The following CES1 variants were observed in gnomAD, a reference collection of about 807,000 sequenced individuals.
CES1 encodes the protein liver carboxylesterase 1.
In CES1, 50 loss-of-function variants were observed where a neutral mutation model predicts 53.0. The ratio of observed to expected loss-of-function variants is 0.94; its 90% CI spans 0.75 to 1.19. CES1 has a LOEUF of 1.19. CES1 is among the 50% of genes most tolerant of loss of function. The pLI, the probability that CES1 is intolerant of heterozygous loss-of-function variation, is 0.00. For missense variants in CES1, 534 were observed against 538.0 expected (o/e 0.99, Z 0.07); for synonymous variants, 202 against 210.1 (o/e 0.96, Z 0.33).
At chr16:55,811,221 A>AC (rs2031684295) in intron 9 of CES1, among the ~76,000 whole-genome samples, 2 of 150,858 alleles carry the variant, frequency 1.3e-5, no homozygotes, top group South Asian at 2.1e-4. Context: ...AAAAAAAAAA[A>AC]ACAAAAAACA....
In CES1 at chr16:55,817,035, C is replaced by A. The variant is rs1196312286; in HGVS notation, c.907-73G>T. 1.5e-5 allele frequency: 22 copies of A among 1,508,780 alleles called. No homozygotes were observed. The Middle Eastern group carries it at 8.5e-4, about 58-fold the overall frequency. 93.5% of individuals were successfully genotyped at this position (1,508,780 alleles called of 1,614,324 possible). A position where few individuals can be genotyped will look rare whatever the true frequency, so the allele number is the denominator to read the frequency against. On this transcript the variant is annotated intron_variant, in intron 7 of 13. Coordinates refer to ENST00000360526, the MANE Select transcript of CES1 (RefSeq NM_001025195.2). ...ACACTGAGCTGGGTGAGTGGGGCAA[C>A]AGAGGTGTCAGGTTCTTCCCGCATC... is the stretch of plus-strand genomic sequence containing the variant.
At chr16:55,813,081 C>T in intron 8 of CES1, 38 bp from the exon 9 acceptor site, 1 of 1,612,844 alleles carries the variant, frequency 6.2e-7, no homozygotes, top group Non-Finnish European at 8.5e-7. Flanking sequence ...GATTCCCTCC[C>T]TAGTCACACC....
chr16:55,830,674 G>T (rs1349510597), intron 1 of CES1, among the ~76,000 whole-genome samples: 1 of 151,792 alleles, frequency 6.6e-6, no homozygotes, highest in Non-Finnish European at 1.5e-5. Context: ...GTGGTAGCAT[G>T]TGCCTGTAAT....
At chr16:55,826,720 T>TC (rs1307488281) in intron 2 of CES1, among the ~76,000 whole-genome samples, 2 of 152,310 alleles carry the variant, frequency 1.3e-5, no homozygotes, top group African/African-American at 4.8e-5. Flanking sequence ...ACACTCTGCG[T>TC]CCCAATCCGC....
intron 1 of CES1, among the ~76,000 whole-genome samples, chr16:55,830,675 T>A (rs12923938): frequency 0.053 from 8,004 of 150,888 alleles, 223 homozygotes; most frequent in East Asian, 0.18. Flanking sequence ...TGGTAGCATG[T>A]GCCTGTAATC....
At chr16:55,832,857 CTCCAAG>C (rs1388372967) in intron 1 of CES1, 141 bp downstream of exon 1, 2 of 827,638 alleles carry the variant, frequency 2.4e-6, no homozygotes, top group South Asian at 2.8e-5. Flanking sequence ...GGCTCAGCTG[CTCCAAG>C]TCCAAGTCCT....
chr16:55,810,394 T>A, intron 11 of CES1, 123 bp downstream of exon 11: 3 of 1,290,544 alleles, frequency 2.3e-6, no homozygotes, highest in Non-Finnish European at 3.4e-6. Context: ...CCATGCCATA[T>A]GGAATCAGCC....
chr16:55,810,848 ATTT>A, intron 10 of CES1, 76 bp downstream of exon 10: 1 of 1,444,492 alleles, frequency 6.9e-7, no homozygotes, highest in South Asian at 1.1e-5. Flanking sequence ...TCATTCTGCC[ATTT>A]AATTGCTCTA....
At chr16:55,829,531 G>A (rs1163852996) in intron 1 of CES1, among the ~76,000 whole-genome samples, 1 of 152,230 alleles carries the variant, frequency 6.6e-6, no homozygotes, top group African/African-American at 2.4e-5. Flanking sequence ...CTGAATGAGG[G>A]GAGATGAGAA....
chr16:55,832,865 C>T lies in CES1; in HGVS notation c.52+139G>A, dbSNP rs1375929916. On this transcript the variant is annotated intron_variant, in intron 1 of 13. Coordinates refer to ENST00000360526, the MANE Select transcript of CES1 (RefSeq NM_001025195.2). Reference sequence around the variant, plus strand: ...CTGGCCGGGCTCAGCTGCTCCAAGTCCAAGTCCTAATATGGAAGTCGTGCC... The same window carrying T: ...CTGGCCGGGCTCAGCTGCTCCAAGTTCAAGTCCTAATATGGAAGTCGTGCC... 9 of 863,762 alleles carry T rather than the reference C, an allele frequency of 1.0e-5. No homozygotes were observed. The African/African-American group carries it at 1.5e-4, about 14-fold the overall frequency. The allele number at this position is 863,762 out of a possible 1,614,324, so 53.5% of individuals were successfully genotyped here. A position where few individuals can be genotyped will look rare whatever the true frequency, so the allele number is the denominator to read the frequency against.
chr16:55,820,142 C>T, intron 6 of CES1: 2 of 578,848 alleles, frequency 3.5e-6, no homozygotes, highest in South Asian at 3.9e-5. Context: ...GCCCTGATCA[C>T]CTGCTGCCCT....
At chr16:55,815,719 G>A (rs1186787527) in intron 8 of CES1, among the ~76,000 whole-genome samples, 2 of 146,500 alleles carry the variant, frequency 1.4e-5, no homozygotes, top group African/African-American at 5.5e-5. Context: ...GCCCTTGCCT[G>A]GATTATGGCA....
chr16:55,829,217 G>A (rs2142355463), intron 1 of CES1, among the ~76,000 whole-genome samples: 1 of 152,338 alleles, frequency 6.6e-6, no homozygotes, highest in South Asian at 2.1e-4. Flanking sequence ...ATGCAAGAAG[G>A]AGAGCTACTA....
chr16:55,819,691 C>T, intron 6 of CES1, 52 bp from the exon 7 acceptor site: 1 of 1,450,588 alleles, frequency 6.9e-7, no homozygotes. Flanking sequence ...CCCTTCCCTC[C>T]ATCAAAGAGG....
chr16:55,809,820 A>G lies in CES1; in HGVS notation c.1318+697T>C, dbSNP rs373044720. Among the ~76,000 whole-genome samples the G allele has an allele frequency of 1.6e-3, 244 of 152,328 alleles. 2 individuals carry two copies. In the South Asian group the frequency reaches 0.047, roughly 29 times the overall value. On this transcript the variant is annotated intron_variant, in intron 11 of 13. Transcript: ENST00000360526. The stretch of plus-strand genomic sequence containing the variant: ...TAACAAACTTGTTTGCAGCTGGCTC[A>G]GACCTTAAAACCCTTCCACGACTCA...
chr16:55,821,651 C>G lies in CES1; in HGVS notation c.540-130G>C, dbSNP rs1375448032. On this transcript the variant is annotated intron_variant, in intron 4 of 13. Coordinates refer to ENST00000360526, the MANE Select transcript of CES1 (RefSeq NM_001025195.2). ...GCTGGGCTTCAGCATCTCTGAGACCCTGCTTTCATTAGTACAGCATTGTGG... is the reference window on the plus strand; with the variant it reads ...GCTGGGCTTCAGCATCTCTGAGACCGTGCTTTCATTAGTACAGCATTGTGG... 3.1e-6 allele frequency: 3 copies of G among 976,254 alleles called. No individual in the cohort carries two copies. In the East Asian group the frequency reaches 7.5e-5, roughly 24 times the overall value. The allele number at this position is 976,254 out of a possible 1,614,324, so 60.5% of individuals were successfully genotyped here.
chr16:55,820,551 C>T, intron 5 of CES1, 72 bp from the exon 6 acceptor site: 1 of 1,610,570 alleles, frequency 6.2e-7, no homozygotes. Flanking sequence ...CTATTCCAGG[C>T]TAGATCTACT....
intron 1 of CES1, among the ~76,000 whole-genome samples, chr16:55,830,807 A>AAGGAAGGAAGGAAGGG (rs1567509439): frequency 6.9e-6 from 1 of 145,218 alleles, no homozygotes; most frequent in African/African-American, 2.6e-5. Flanking sequence ...GGAAGGAAGG[A>AAGGAAGGAAGGAAGGG]AGGAAGGAAG....
chr16:55,825,586 C>T (rs2032384860), intron 3 of CES1, among the ~76,000 whole-genome samples: 1 of 152,256 alleles, frequency 6.6e-6, no homozygotes, highest in East Asian at 1.9e-4. Context: ...CCGCCCCCAA[C>T]ATCCGTACCT....
Sources: gnomAD v4.1 joint callset for allele counts (sites outside exome capture counted in the v4.1 genomes callset) on GRCh38, gnomAD v4.1.1 for gene constraint, MANE v1.5 for transcripts, NCBI Gene and HGNC (gene_info 2026-07-23, HGNC 2026-07-21) for gene names.